Variants in HEXD observed in about 807,000 individuals in gnomAD.
HEXD encodes N-acetyl-beta-galactosaminidase.
HEXD carries 47 observed loss-of-function variants against 54.2 expected under a neutral mutation model. The ratio of observed to expected loss-of-function variants is 0.87; its 90% CI spans 0.69 to 1.11. The LOEUF is 1.11. Among genes scored for constraint, HEXD ranks in the 50% least tolerant of loss-of-function variants. The probability of loss-of-function intolerance (pLI) is 0.00; values close to 1 mark genes in which losing one functional copy is unlikely to be tolerated. For synonymous variants in HEXD, 293 were observed against 287.6 expected (o/e 1.02, Z -0.19); for missense variants, 576 against 649.2 (o/e 0.89, Z 1.23).
At chr17:82,424,694 C>A (rs2053345727) in intron 3 of HEXD, among the ~76,000 whole-genome samples, 191 bp downstream of exon 3, 1 of 152,268 alleles carries the variant, frequency 6.6e-6, no homozygotes, top group Admixed American at 6.5e-5. Flanking sequence ...TCATTTCAAA[C>A]ATTCACTGGA....
rs375711104 is a variant in HEXD, at chr17:82,436,690, G to A, written c.655G>A (p.Glu219Lys). ...AGCGTCCGGGGTGCCGCAGCTGGTG[G>A]AGCCGGTGCTCTGGGACTACACGGC... ...LAASGVPQLV[E>K]PVLWDYTADL... is the part of the protein sequence containing the mutation. The change falls in exon 7 of 13, where the codon GAG (glutamate) becomes AAG (lysine). Residue 219 changes from glutamate to lysine, a missense_variant. Coordinates refer to ENST00000327949, the MANE Select transcript of HEXD (RefSeq NM_001330542.2). 16 of 1,611,972 alleles carry A rather than the reference G, an allele frequency of 9.9e-6. No homozygotes were observed. In the Admixed American group the frequency reaches 2.2e-4, roughly 22 times the overall value.
chr17:82,436,667 C>T lies in HEXD; in HGVS notation c.632C>T (p.Ala211Val), dbSNP rs778425331. The T allele has an allele frequency of 8.7e-6, 14 of 1,609,188 alleles. No homozygotes were observed. In the East Asian group the frequency reaches 1.8e-4, roughly 21 times the overall value. The change falls in exon 7 of 13, where the codon GCG (alanine) becomes GTG (valine). Residue 211 changes from alanine to valine, a missense_variant and splice_region_variant. Transcript: ENST00000327949. ...AACCTCACGTCCGCTCTGTCTGCAG[C>T]GTCCGGGGTGCCGCAGCTGGTGGAG... ...LRDLPEDQLA[A>V]SGVPQLVEPV...
chr17:82,435,709 G>T lies in HEXD; in HGVS notation c.468G>T (p.Gly156=), dbSNP rs748044538. The T allele has an allele frequency of 4.3e-6, 7 of 1,612,538 alleles. No individual in the cohort carries two copies. Among genetic ancestry groups the T allele is most frequent in the Non-Finnish European group, 3.4e-6 (4 of 1,179,534 alleles). Residue 156 remains glycine, a synonymous_variant, in exon 6 of 13, where the codon GGG becomes GGT. Transcript: ENST00000327949. The part of the protein sequence containing the change: ...GCDEVYYLGE[G]EASRRWLQQE... Reference sequence around the variant, plus strand: ...TGCAGGTCTATTACCTCGGAGAGGGGGAGGCCTCGCGCCGGTGGCTACAGC... The same window carrying T: ...TGCAGGTCTATTACCTCGGAGAGGGTGAGGCCTCGCGCCGGTGGCTACAGC...
chr17:82,436,636 C>G (rs775293548), intron 6 of HEXD, 31 bp from the exon 7 acceptor site: 1 of 1,587,564 alleles, frequency 6.3e-7, no homozygotes, highest in Non-Finnish European at 8.6e-7. Flanking sequence ...GTCCAGGTGT[C>G]TCACCAACCT....
chr17:82,427,569 G>A (rs144792062), intron 3 of HEXD, among the ~76,000 whole-genome samples: 1,798 of 152,232 alleles, frequency 0.012, 13 homozygotes, highest in Non-Finnish European at 0.019. Context: ...GATCAAGTGC[G>A]ATGACATGAT....
chr17:82,433,023 G>GCA (rs2053626503), intron 4 of HEXD, among the ~76,000 whole-genome samples: 1 of 125,562 alleles, frequency 8.0e-6, no homozygotes, highest in Non-Finnish European at 1.6e-5. Context: ...CCGAGATCAT[G>GCA]CCACTGCACT....
chr17:82,431,108 C>T (rs1262800905), intron 4 of HEXD, among the ~76,000 whole-genome samples: 2 of 151,730 alleles, frequency 1.3e-5, no homozygotes, highest in African/African-American at 4.8e-5. Context: ...AGCTTCTGGG[C>T]TCAAGCACCT....
intron 6 of HEXD, 45 bp from the exon 7 acceptor site, chr17:82,436,620 AGT>A: frequency 6.6e-7 from 1 of 1,514,172 alleles, no homozygotes; most frequent in Non-Finnish European, 9.0e-7. Flanking sequence ...AGGGGCTGAG[AGT>A]GTGGTCCAGG....
rs543929988 is a variant in HEXD at position 82,439,267 on chromosome 17, G to A, written c.900-364G>A. Among the ~76,000 whole-genome samples, 152 of 152,330 alleles carry A rather than the reference G, an allele frequency of 1.0e-3. 1 individual carries two copies. The highest frequency in any genetic ancestry group is 2.9e-3 in the African/African-American group (120 of 41,584). ...GGCCCGGAGGCCCTAGGAGGGGGGC[G>A]TCAAGGGCAGCCCCCAGAAGCAGGA... On this transcript the variant is annotated intron_variant, in intron 8 of 12. Coordinates refer to ENST00000327949, the MANE Select transcript of HEXD (RefSeq NM_001330542.2).
In HEXD at chr17:82,441,116, C is replaced by A. The variant is rs1431182501; in HGVS notation, c.1061+41C>A. On this transcript the variant is annotated intron_variant, in intron 10 of 12. Transcript: ENST00000327949. ...CCCTCCCTGTCCCCTTCTTCCCCTC[C>A]CCTTCCCCCGCCCGTGGAGACAGCT... 9.9e-6 allele frequency: 16 copies of A among 1,613,422 alleles called. No homozygotes were observed. The South Asian group carries it at 1.8e-4, about 18-fold the overall frequency.
chr17:82,440,551 G>A (rs2053903566), intron 9 of HEXD: 1 of 324,806 alleles, frequency 3.1e-6, no homozygotes, highest in African/African-American at 2.2e-5. Context: ...GCCTCTTGCA[G>A]CAAGCATTTC....
Position 82,436,951 on chromosome 17 carries a change from T to C in HEXD, c.703+213T>C, listed in dbSNP as rs76967746. On this transcript the variant is annotated intron_variant, in intron 7 of 12. Transcript: ENST00000327949. ...CCTCCCTGTTCCACCAGTGTTTTCCTAGTGAGCAGGTGAACCAGGGGCCAC... is the reference window on the plus strand; with the variant it reads ...CCTCCCTGTTCCACCAGTGTTTTCCCAGTGAGCAGGTGAACCAGGGGCCAC... 31 of 632,948 alleles carry C rather than the reference T, an allele frequency of 4.9e-5. No individual in the cohort carries two copies. In the East Asian group the frequency reaches 7.7e-4, roughly 16 times the overall value. 39.2% of individuals were successfully genotyped at this position (632,948 alleles called of 1,614,324 possible).
Position 82,433,769 on chromosome 17 carries a change from C to T in HEXD, c.394C>T (p.Gln132Ter). The change falls in exon 5 of 13, where the codon CAG becomes TAG. Residue 132 changes from glutamine (Q) to a stop codon, truncating the protein, a stop_gained. Transcript: ENST00000327949. LOFTEE classifies it high-confidence loss of function. The stretch of plus-strand genomic sequence containing the variant: ...GGCGCTGGTGGGCGCCATGATTGAC[C>T]AGGTCCTGGAGCTACACCCAGGCGC... ...SLALVGAMID[Q>*]VLELHPGAQR... 1 of 1,613,128 alleles carries T rather than the reference C, an allele frequency of 6.2e-7. No individual in the cohort carries two copies. The highest frequency in any genetic ancestry group is 8.5e-7 in the Non-Finnish European group (1 of 1,179,814).
chr17:82,439,953 C>T (rs2053882170), intron 9 of HEXD: 1 of 1,499,874 alleles, frequency 6.7e-7, no homozygotes, highest in Non-Finnish European at 8.9e-7. Flanking sequence ...GCGGGAGGCA[C>T]CCCTCAGACA....
At position 82,418,436 on chromosome 17, in the gene HEXD, G is replaced by C; in HGVS notation, c.-356G>C. 1 of 1,477,924 alleles carries C rather than the reference G, an allele frequency of 6.8e-7. No homozygotes were observed. The highest frequency in any genetic ancestry group is 8.9e-7 in the Non-Finnish European group (1 of 1,120,196). 91.6% of individuals were successfully genotyped at this position (1,477,924 alleles called of 1,614,324 possible). A position where few individuals can be genotyped will look rare whatever the true frequency, so the allele number is the denominator to read the frequency against. ...CCTGCTCCGGTTCCGGCGCTCGGCC[G>C]CTCCGTTGCCCTCGGGCGCCTTGGT... On this transcript the variant is annotated 5_prime_UTR_variant, in exon 1 of 13. Transcript: ENST00000327949.
At chr17:82,436,285 C>T (rs1359707028) in intron 6 of HEXD, among the ~76,000 whole-genome samples, 3 of 152,258 alleles carry the variant, frequency 2.0e-5, no homozygotes, top group Non-Finnish European at 4.4e-5. Context: ...CCTGGTTCCA[C>T]ACAGAGCCCC....
In HEXD at chr17:82,441,292, GTGGGTGAGGGGGGCAGGCA is replaced by G. The variant is rs758543850; in HGVS notation, c.1163+31_1163+49del. 1.0e-4 allele frequency: 167 copies of G among 1,594,656 alleles called. No homozygotes were observed. In the East Asian group the frequency reaches 3.6e-3, roughly 34 times the overall value. On this transcript the variant is annotated intron_variant, in intron 11 of 12. Coordinates refer to ENST00000327949, the MANE Select transcript of HEXD (RefSeq NM_001330542.2). ...GTGAGCGTGTGGGTTAGGGGCAGGT[GTGGGTGAGGGGGGCAGGCA>G]TGGGGCGGGTGCAGGTGAGGGGGCA...
chr17:82,442,161 G>T lies in HEXD; in HGVS notation c.1254-16G>T. ...CAAGTGTGCAGACTGTGCGTTCATG[G>T]CGCCCTCACCTGCAGCCTCCTGGCA... On this transcript the variant is annotated splice_polypyrimidine_tract_variant and intron_variant, in intron 12 of 12. Coordinates refer to ENST00000327949, the MANE Select transcript of HEXD (RefSeq NM_001330542.2). This position sits in a 1 kb window ranked among gnomAD's most constrained non-coding sequence, Gnocchi z 6.8. The T allele has an allele frequency of 6.3e-7, 1 of 1,589,156 alleles. No individual in the cohort carries two copies. Among genetic ancestry groups the T allele is most frequent in the Non-Finnish European group, 8.5e-7 (1 of 1,170,726 alleles).
intron 3 of HEXD, among the ~76,000 whole-genome samples, chr17:82,425,291 G>C (rs1288656153): frequency 2.0e-5 from 3 of 151,072 alleles, no homozygotes; most frequent in African/African-American, 7.3e-5. Context: ...GGTTAGAGAA[G>C]GCTAGATAAG....
Sources: gnomAD v4.1 joint callset for allele counts (sites outside exome capture counted in the v4.1 genomes callset) on GRCh38, gnomAD v4.1.1 for gene constraint, Gnocchi (gnomAD v3.1) non-coding constraint, MANE v1.5 for transcripts, NCBI Gene and HGNC (gene_info 2026-07-23, HGNC 2026-07-21) for gene names.